Variants in WDR76 observed in about 807,000 individuals in gnomAD.
WDR76 encodes the protein WD repeat-containing protein 76.
Under a neutral mutation model 70.2 loss-of-function variants are expected in WDR76, and 52 were observed. The ratio of observed to expected loss-of-function variants is 0.74; its 90% CI spans 0.59 to 0.93. The LOEUF is 0.93. Among genes scored for constraint, WDR76 ranks in the 40% least tolerant of loss-of-function variants. The pLI is 0.00. For missense variants in WDR76, 756 were observed against 760.2 expected (o/e 0.99, Z 0.07); for synonymous variants, 292 against 271.1 (o/e 1.08, Z -0.76).
At chr15:43,852,328 C>T (rs750650074) in intron 9 of WDR76, among the ~76,000 whole-genome samples, 1 of 151,928 alleles carries the variant, frequency 6.6e-6, no homozygotes, top group Non-Finnish European at 1.5e-5. Context: ...GGATTACAGG[C>T]ACCCATCATC....
chr15:43,836,168 C>T lies in WDR76; in HGVS notation c.560C>T (p.Ala187Val), dbSNP rs1294981855. The T allele has an allele frequency of 6.2e-7, 1 of 1,606,798 alleles. No individual in the cohort carries two copies. Residue 187 changes from alanine (A) to valine (V), a missense_variant, in exon 4 of 13, where the codon GCA becomes GTA. Ala to Val is a moderately conservative substitution (Grantham distance 64, BLOSUM62 0). Coordinates refer to ENST00000263795, the MANE Select transcript of WDR76 (RefSeq NM_024908.4). ...FASLQLSESA[A>V]RLREMIEKRQ... ...GATTTTTATACTTTACAGTCTGCTG[C>T]AAGACTCCGTGAAATGATAGAGAAG...
chr15:43,829,147 G>T (rs1389248868), intron 2 of WDR76, among the ~76,000 whole-genome samples: 2 of 152,010 alleles, frequency 1.3e-5, no homozygotes, highest in Non-Finnish European at 2.9e-5. Flanking sequence ...TGATCCACCC[G>T]CCTCAGCCTC....
chr15:43,856,131 G>C (rs961913373), intron 9 of WDR76, among the ~76,000 whole-genome samples: 3 of 151,790 alleles, frequency 2.0e-5, no homozygotes, highest in Admixed American at 1.3e-4. Context: ...ATTCTTTTTA[G>C]CATTGCATGG....
intron 5 of WDR76, among the ~76,000 whole-genome samples, chr15:43,841,085 A>G (rs1286506556): frequency 1.3e-5 from 2 of 151,464 alleles, no homozygotes; most frequent in Non-Finnish European, 2.9e-5. Flanking sequence ...CAGTGGCACA[A>G]TCTCAGTTCA....
At position 43,867,559 on chromosome 15, in the gene WDR76, T is replaced by C. The variant is rs538855748; in HGVS notation, c.*1167T>C. 6.8e-6 allele frequency: 1 copy of C among 147,466 alleles called. No individual in the cohort carries two copies. Among genetic ancestry groups the C allele is most frequent in the Non-Finnish European group, 1.5e-5 (1 of 67,054 alleles). 9.1% of individuals were successfully genotyped at this position (147,466 alleles called of 1,614,324 possible). A position where few individuals can be genotyped will look rare whatever the true frequency, so the allele number is the denominator to read the frequency against. On this transcript the variant is annotated 3_prime_UTR_variant, in exon 13 of 13. Transcript: ENST00000263795. ...TGTTTATGTGTATTCTGATGTAAAA[T>C]ATATATATATATATATTTTATTACT...
chr15:43,827,017 G>C lies in WDR76; in HGVS notation c.-16G>C, dbSNP rs754381590. ...CAATCTTGGCGGGAAGGCGCCGGCC[G>C]CTAAGAAGCCGAAAGATGTCCAGGT... On this transcript the variant is annotated 5_prime_UTR_variant, in exon 1 of 13. Transcript: ENST00000263795. 6 of 1,613,192 alleles carry C rather than the reference G, an allele frequency of 3.7e-6. No individual in the cohort carries two copies. In the South Asian group the frequency reaches 6.6e-5, roughly 18 times the overall value.
At position 43,868,394 on chromosome 15, in the gene WDR76, T is replaced by A. The variant is rs1484025724; in HGVS notation, c.*2002T>A. The A allele has an allele frequency of 1.3e-5, 2 of 152,236 alleles. No homozygotes were observed. Among genetic ancestry groups the A allele is most frequent in the African/African-American group, 4.8e-5 (2 of 41,470 alleles). The allele number at this position is 152,236 out of a possible 1,614,324, so 9.4% of individuals were successfully genotyped here. ...GGCAGTAATTGCCTGGGCTCGTCAA[T>A]AAATGTTAGCAAATTCTTGATGTTC... On this transcript the variant is annotated 3_prime_UTR_variant, in exon 13 of 13. Transcript: ENST00000263795.
intron 5 of WDR76, among the ~76,000 whole-genome samples, chr15:43,841,201 G>GTTTTTTTTTTTTTT (rs910565504): frequency 2.9e-5 from 3 of 102,260 alleles, no homozygotes; most frequent in East Asian, 2.7e-4. Context: ...TTGTTTTTTT[G>GTTTTTTTTTTTTTT]TTTTTTTTTT....
At chr15:43,863,834 C>G (rs1289822273) in intron 12 of WDR76, 1 of 152,252 alleles carries the variant, frequency 6.6e-6, no homozygotes, top group Non-Finnish European at 1.5e-5. Context: ...GTTGGCATTA[C>G]AGGCATGAGC....
chr15:43,843,863 G>A (rs576834562), intron 7 of WDR76, 38 bp from the exon 8 acceptor site: 132 of 1,502,544 alleles, frequency 8.8e-5, no homozygotes, highest in Middle Eastern at 1.8e-4. Context: ...TATTGAGATT[G>A]GTTTTACTTA....
At position 43,867,954 on chromosome 15, in the gene WDR76, T is replaced by G. The variant is rs140665366; in HGVS notation, c.*1562T>G. ...TATGTTTGAATTCTAAGAGGAAATA[T>G]TTTCCCATAATTGTATATCAGAGAA... On this transcript the variant is annotated 3_prime_UTR_variant, in exon 13 of 13. Coordinates refer to ENST00000263795, the MANE Select transcript of WDR76 (RefSeq NM_024908.4). The G allele has an allele frequency of 6.6e-6, 1 of 152,216 alleles. No homozygotes were observed. The highest frequency in any genetic ancestry group is 1.5e-5 in the Non-Finnish European group (1 of 68,030). The allele number at this position is 152,216 out of a possible 1,614,324, so 9.4% of individuals were successfully genotyped here. A position where few individuals can be genotyped will look rare whatever the true frequency, so the allele number is the denominator to read the frequency against.
intron 1 of WDR76, 29 bp from the exon 2 acceptor site, chr15:43,827,936 A>G: frequency 7.7e-6 from 12 of 1,560,814 alleles, no homozygotes; most frequent in South Asian, 1.2e-5. Context: ...GAGTTCTAAT[A>G]TTCTGTTTTC....
At chr15:43,854,894 T>C (rs1388794622) in intron 9 of WDR76, among the ~76,000 whole-genome samples, 2 of 150,334 alleles carry the variant, frequency 1.3e-5, no homozygotes, top group Non-Finnish European at 2.9e-5. Flanking sequence ...GAGGTTGCAG[T>C]GAGCCAAGAT....
At chr15:43,861,494 T>C in intron 12 of WDR76, 108 bp downstream of exon 12, 1 of 1,120,720 alleles carries the variant, frequency 8.9e-7, no homozygotes, top group African/African-American at 1.6e-5. Flanking sequence ...GTCCTGATTT[T>C]TGAATACAAA....
intron 8 of WDR76, among the ~76,000 whole-genome samples, chr15:43,849,603 A>G (rs562558663): frequency 6.6e-6 from 1 of 152,232 alleles, no homozygotes; most frequent in East Asian, 1.9e-4. Flanking sequence ...CAGTGGTGCA[A>G]TCTTGGCTCA....
intron 2 of WDR76, among the ~76,000 whole-genome samples, chr15:43,834,808 C>T (rs554609806): frequency 2.6e-5 from 4 of 152,186 alleles, no homozygotes; most frequent in African/African-American, 9.6e-5. Flanking sequence ...GCTACTAGAT[C>T]ATACTACTTG....
At chr15:43,833,258 G>A (rs1037763852) in intron 2 of WDR76, among the ~76,000 whole-genome samples, 1 of 151,752 alleles carries the variant, frequency 6.6e-6, no homozygotes, top group Non-Finnish European at 1.5e-5. Flanking sequence ...TTGAACTTCT[G>A]GGCTCCAGTG....
chr15:43,832,093 T>A (rs941699128), intron 2 of WDR76, among the ~76,000 whole-genome samples: 3 of 152,224 alleles, frequency 2.0e-5, no homozygotes, highest in African/African-American at 7.2e-5. Context: ...CTAATTGGAT[T>A]TAGAATTGTA....
At chr15:43,836,519 C>A (rs893564365) in intron 4 of WDR76, among the ~76,000 whole-genome samples, 1 of 152,080 alleles carries the variant, frequency 6.6e-6, no homozygotes, top group African/African-American at 2.4e-5. Context: ...AAAGATTCTT[C>A]TACTTACTTT....
Sources: gnomAD v4.1 joint callset for allele counts (sites outside exome capture counted in the v4.1 genomes callset) on GRCh38, gnomAD v4.1.1 for gene constraint, MANE v1.5 for transcripts, NCBI Gene and HGNC (gene_info 2026-07-23, HGNC 2026-07-21) for gene names.